Variants in CACNG2 observed in about 807,000 individuals in gnomAD.
CACNG2 encodes calcium voltage-gated channel auxiliary subunit gamma 2.
A neutral mutation model predicts 25.9 loss-of-function variants in CACNG2; 3 were observed. The ratio of observed to expected loss-of-function variants is 0.12; its 90% CI spans 0.05 to 0.30. The LOEUF is 0.30. CACNG2 is among the 10% of genes least tolerant of loss of function. CACNG2 has a pLI of 1.00. For synonymous variants in CACNG2, 167 were observed against 173.3 expected (o/e 0.96, Z 0.29); for missense variants, 341 against 432.5 (o/e 0.79, Z 1.88).
intron 1 of CACNG2, among the ~76,000 whole-genome samples, chr22:36,698,312 T>C (rs1397550047): frequency 6.6e-6 from 1 of 152,212 alleles, no homozygotes; most frequent in African/African-American, 2.4e-5. Context: ...GCGCTTCCTG[T>C]GTGCAAAGTA....
At chr22:36,641,248 G>A (rs532062839) in intron 1 of CACNG2, among the ~76,000 whole-genome samples, 9 of 152,096 alleles carry the variant, frequency 5.9e-5, no homozygotes, top group African/African-American at 1.2e-4. Context: ...CTATTAGTCC[G>A]CAGAGCCCAC....
chr22:36,692,550 G>A (rs370319488), intron 1 of CACNG2, among the ~76,000 whole-genome samples: 5 of 152,236 alleles, frequency 3.3e-5, no homozygotes, highest in African/African-American at 7.2e-5. Context: ...GTTACCAAGC[G>A]TTTTTCAGCA....
At chr22:36,674,129 C>T (rs1203013483) in intron 1 of CACNG2, among the ~76,000 whole-genome samples, 2 of 152,228 alleles carry the variant, frequency 1.3e-5, no homozygotes, top group African/African-American at 4.8e-5. Context: ...CTGCTGAAGG[C>T]TGCAGGATGA....
chr22:36,630,550 T>A (rs1569034848), intron 1 of CACNG2, among the ~76,000 whole-genome samples: 1 of 151,824 alleles, frequency 6.6e-6, no homozygotes, highest in Non-Finnish European at 1.5e-5. Flanking sequence ...AGGTACAGGG[T>A]GGCTGGAGGG....
At chr22:36,612,762 C>T (rs960723460) in intron 1 of CACNG2, among the ~76,000 whole-genome samples, 3 of 152,224 alleles carry the variant, frequency 2.0e-5, no homozygotes, top group Admixed American at 6.5e-5. Flanking sequence ...CAGCTTGCTA[C>T]CACTTAGCAG....
intron 1 of CACNG2, among the ~76,000 whole-genome samples, chr22:36,670,745 C>T (rs1226690686): frequency 1.3e-5 from 2 of 151,936 alleles, no homozygotes; most frequent in Admixed American, 6.6e-5. Context: ...GATCCTCCCA[C>T]CTCAGTCCCT....
At chr22:36,614,231 T>G (rs1935989560) in intron 1 of CACNG2, among the ~76,000 whole-genome samples, 1 of 152,112 alleles carries the variant, frequency 6.6e-6, no homozygotes, top group Admixed American at 6.5e-5. Flanking sequence ...CTCTCTCCTA[T>G]CTCTGGACGT....
intron 1 of CACNG2, among the ~76,000 whole-genome samples, chr22:36,685,436 T>C (rs1054709823): frequency 5.3e-5 from 8 of 152,122 alleles, no homozygotes; most frequent in Non-Finnish European, 8.8e-5. Context: ...CTGGCTCCTG[T>C]CCTCTGGTGC....
intron 2 of CACNG2, among the ~76,000 whole-genome samples, chr22:36,574,724 G>A (rs1301981881): frequency 2.0e-5 from 3 of 152,196 alleles, no homozygotes; most frequent in Non-Finnish European, 4.4e-5. Context: ...GGAGGTTGCC[G>A]TGCACCAAAA....
intron 1 of CACNG2, among the ~76,000 whole-genome samples, chr22:36,674,443 C>T (rs1429672829): frequency 6.6e-6 from 1 of 152,230 alleles, no homozygotes; most frequent in Non-Finnish European, 1.5e-5. Flanking sequence ...ATTCTCCTGC[C>T]TCAGCCTCCT....
chr22:36,596,564 T>A (rs1935681452), intron 1 of CACNG2, among the ~76,000 whole-genome samples: 1 of 152,152 alleles, frequency 6.6e-6, no homozygotes, highest in Admixed American at 6.5e-5. Flanking sequence ...GAATGCCTAC[T>A]GTGTGCTAGG....
intron 1 of CACNG2, among the ~76,000 whole-genome samples, chr22:36,612,150 C>T (rs1213877524): frequency 6.6e-6 from 1 of 152,138 alleles, no homozygotes; most frequent in Non-Finnish European, 1.5e-5. Flanking sequence ...AAGAACCAGC[C>T]TGTGTGGGTT....
intron 1 of CACNG2, among the ~76,000 whole-genome samples, chr22:36,679,350 A>G (rs1601451998): frequency 6.6e-6 from 1 of 152,142 alleles, no homozygotes; most frequent in African/African-American, 2.4e-5. Context: ...GAGCAAATGT[A>G]CCGGCCACTG....
At chr22:36,622,516 A>G (rs770761296) in intron 1 of CACNG2, among the ~76,000 whole-genome samples, 23 of 152,240 alleles carry the variant, frequency 1.5e-4, no homozygotes, top group South Asian at 2.1e-4. Context: ...GTTTAGCAAC[A>G]TATGTAACAC....
At chr22:36,610,613 AG>A (rs1371376261) in intron 1 of CACNG2, among the ~76,000 whole-genome samples, 2 of 152,340 alleles carry the variant, frequency 1.3e-5, no homozygotes, top group South Asian at 4.1e-4. Context: ...GGGGCAGGGG[AG>A]GACAGAGGAG....
intron 1 of CACNG2, among the ~76,000 whole-genome samples, chr22:36,603,501 G>A (rs1399821859): frequency 6.6e-6 from 1 of 152,226 alleles, no homozygotes; most frequent in African/African-American, 2.4e-5. Flanking sequence ...ATTGGAAGAA[G>A]ATGCCATCTA....
At chr22:36,602,298 T>C (rs1471721788) in intron 1 of CACNG2, among the ~76,000 whole-genome samples, 2 of 152,174 alleles carry the variant, frequency 1.3e-5, no homozygotes, top group Non-Finnish European at 2.9e-5. Flanking sequence ...TGCAAATGTG[T>C]TTCCCAATCT....
intron 1 of CACNG2, among the ~76,000 whole-genome samples, chr22:36,689,983 C>G (rs1937248173): frequency 6.6e-6 from 1 of 152,222 alleles, no homozygotes; most frequent in African/African-American, 2.4e-5. Context: ...TATCAACAGG[C>G]CCTGCTCAGG....
chr22:36,613,162 G>C (rs1021370017), intron 1 of CACNG2, among the ~76,000 whole-genome samples: 111 of 116,548 alleles, frequency 9.5e-4, no homozygotes, highest in Middle Eastern at 3.9e-3. Flanking sequence ...CTCTCTGTGT[G>C]TGTGTGTGTG....
Sources: gnomAD v4.1 joint callset for allele counts (sites outside exome capture counted in the v4.1 genomes callset) on GRCh38, gnomAD v4.1.1 for gene constraint, MANE v1.5 for transcripts, NCBI Gene and HGNC (gene_info 2026-07-23, HGNC 2026-07-21) for gene names.